The following RNF180 variants were observed in gnomAD, a reference collection of about 807,000 sequenced individuals.
The protein encoded by RNF180 is E3 ubiquitin-protein ligase RNF180.
In RNF180, 38 loss-of-function variants were observed where a neutral mutation model predicts 59.2. The observed-to-expected ratio is 0.64, with a 90% CI of 0.50 to 0.84. RNF180 has a LOEUF of 0.84. RNF180 is among the 40% of genes least tolerant of loss of function. The pLI is 0.00. For missense variants in RNF180, 705 were observed against 700.9 expected (o/e 1.01, Z -0.07); for synonymous variants, 262 against 240.3 (o/e 1.09, Z -0.84).
chr5:64,194,179 G>T (rs10461492), intron 1 of RNF180, among the ~76,000 whole-genome samples: 1 of 151,792 alleles, frequency 6.6e-6, no homozygotes, highest in Admixed American at 6.6e-5. Context: ...AACAGTCCCC[G>T]GTGTGTGATG....
At chr5:64,364,846 TTGTA>T (rs1746387286) in intron 7 of RNF180, among the ~76,000 whole-genome samples, 3 of 151,872 alleles carry the variant, frequency 2.0e-5, no homozygotes, top group African/African-American at 7.2e-5. Flanking sequence ...ATTTTCTAGT[TTGTA>T]TGCATACAAG....
intron 7 of RNF180, among the ~76,000 whole-genome samples, chr5:64,345,442 T>C (rs968422164): frequency 6.6e-6 from 1 of 152,290 alleles, no homozygotes; most frequent in South Asian, 2.1e-4. Flanking sequence ...CTGGCATAAC[T>C]TTATCAGGAA....
chr5:64,218,149 G>A (rs544957965), intron 5 of RNF180, among the ~76,000 whole-genome samples: 5 of 152,064 alleles, frequency 3.3e-5, no homozygotes, highest in Admixed American at 6.6e-5. Flanking sequence ...CTCAAAAAAC[G>A]TTTTAATAGA....
intron 2 of RNF180, among the ~76,000 whole-genome samples, chr5:64,202,708 A>G (rs940627977): frequency 1.3e-5 from 2 of 152,032 alleles, no homozygotes; most frequent in African/African-American, 4.8e-5. Context: ...TTTAATTTTC[A>G]TTTCCTTGGT....
chr5:64,174,364 T>G (rs1408767847), intron 1 of RNF180, among the ~76,000 whole-genome samples: 2 of 152,162 alleles, frequency 1.3e-5, no homozygotes, highest in Non-Finnish European at 2.9e-5. Flanking sequence ...CACTATTAAT[T>G]TTTTGAGGAA....
rs1346992332 is a variant in RNF180, at chr5:64,291,504, A to G, written c.1228-33682A>G. The stretch of plus-strand genomic sequence containing the variant: ...CAGTGGTGCGATCTTGGCTCACTGC[A>G]AGCTCCGCCTGCCGGGTTCACACCA... On this transcript the variant is annotated intron_variant, in intron 5 of 7. Coordinates refer to ENST00000389100, the MANE Select transcript of RNF180 (RefSeq NM_001113561.2). Among the ~76,000 whole-genome samples the G allele has an allele frequency of 6.4e-5, 9 of 140,176 alleles. No homozygotes were observed. In the South Asian group the frequency reaches 8.7e-4, roughly 14 times the overall value. The allele number at this position is 140,176 out of a possible 152,430, so 92.0% of individuals were successfully genotyped here. A position where few individuals can be genotyped will look rare whatever the true frequency, so the allele number is the denominator to read the frequency against.
chr5:64,346,351 CTT>C (rs1745554217), intron 7 of RNF180, among the ~76,000 whole-genome samples: 1 of 53,618 alleles, frequency 1.9e-5, no homozygotes, highest in Non-Finnish European at 4.1e-5. Context: ...TTCTTTTTTT[CTT>C]TTCTTCTTTT....
intron 7 of RNF180, among the ~76,000 whole-genome samples, chr5:64,361,844 T>C (rs1018204656): frequency 4.0e-5 from 6 of 151,406 alleles, no homozygotes; most frequent in Non-Finnish European, 8.9e-5. Flanking sequence ...ACATTGACTA[T>C]TATGTTATCA....
At chr5:64,356,432 A>T (rs1746030247) in intron 7 of RNF180, among the ~76,000 whole-genome samples, 1 of 151,902 alleles carries the variant, frequency 6.6e-6, no homozygotes, top group African/African-American at 2.4e-5. Context: ...ACTCTGATAC[A>T]TTGCTGGGAG....
At chr5:64,334,264 C>T (rs139427872) in intron 7 of RNF180, among the ~76,000 whole-genome samples, 2 of 152,298 alleles carry the variant, frequency 1.3e-5, no homozygotes, top group Non-Finnish European at 2.9e-5. Flanking sequence ...AGAAGGACCT[C>T]TGCCCAAGCC....
intron 5 of RNF180, among the ~76,000 whole-genome samples, chr5:64,261,811 C>T (rs903427576): frequency 1.3e-5 from 2 of 152,096 alleles, no homozygotes; most frequent in Non-Finnish European, 2.9e-5. Flanking sequence ...AAGGAGTCAT[C>T]CACCATCACT....
intron 5 of RNF180, among the ~76,000 whole-genome samples, chr5:64,303,907 A>C (rs1394412406): frequency 6.6e-6 from 1 of 151,604 alleles, no homozygotes; most frequent in Non-Finnish European, 1.5e-5. Flanking sequence ...TCAATGCCTG[A>C]CTTCAAAGGA....
intron 5 of RNF180, among the ~76,000 whole-genome samples, chr5:64,242,381 G>T (rs1270109193): frequency 6.6e-6 from 1 of 152,142 alleles, no homozygotes; most frequent in Admixed American, 6.5e-5. Flanking sequence ...ACAACATAAG[G>T]TGTCAGTGAC....
chr5:64,281,321 G>C (rs1436770784), intron 5 of RNF180, among the ~76,000 whole-genome samples: 1 of 152,166 alleles, frequency 6.6e-6, no homozygotes, highest in African/African-American at 2.4e-5. Flanking sequence ...GCTCTGGCTA[G>C]GACTTCCAGT....
At chr5:64,177,973 A>G (rs1579932633) in intron 1 of RNF180, among the ~76,000 whole-genome samples, 1 of 152,124 alleles carries the variant, frequency 6.6e-6, no homozygotes, top group East Asian at 1.9e-4. Flanking sequence ...TGGAAGGCCA[A>G]GGTGGGTGGA....
At chr5:64,342,959 CA>C (rs755513915) in intron 7 of RNF180, among the ~76,000 whole-genome samples, 27 of 152,198 alleles carry the variant, frequency 1.8e-4, no homozygotes, top group Non-Finnish European at 3.4e-4. Flanking sequence ...ACTTCAAACC[CA>C]ACCCTGCTTA....
chr5:64,229,785 T>C (rs1477673018), intron 5 of RNF180, among the ~76,000 whole-genome samples: 1 of 152,214 alleles, frequency 6.6e-6, no homozygotes, highest in Non-Finnish European at 1.5e-5. Flanking sequence ...TAGCCGGTAT[T>C]GTGCTTCAGT....
At chr5:64,309,486 G>A (rs1025479108) in intron 5 of RNF180, among the ~76,000 whole-genome samples, 1 of 151,468 alleles carries the variant, frequency 6.6e-6, no homozygotes, top group African/African-American at 2.4e-5. Flanking sequence ...AAAATAGTTT[G>A]TCAGACTGTT....
chr5:64,217,371 C>A lies in RNF180; in HGVS notation c.1202C>A (p.Ser401Ter). 1.4e-6 allele frequency: 2 copies of A among 1,415,466 alleles called. No individual in the cohort carries two copies. Among genetic ancestry groups the A allele is most frequent in the Non-Finnish European group, 1.9e-6 (2 of 1,079,470 alleles). 87.7% of individuals were successfully genotyped at this position (1,415,466 alleles called of 1,614,324 possible). Residue 401 changes from serine (S) to a stop codon, truncating the protein, a stop_gained, in exon 5 of 8, where the codon TCA (serine) becomes TAA (stop). Transcript: ENST00000389100. LOFTEE classifies it high-confidence loss of function. ...TTTTTATTTCTCTAGGGTAAATACTCAGGAGTGGGATTGCTGGATCATATG... is the reference window on the plus strand; with the variant it reads ...TTTTTATTTCTCTAGGGTAAATACTAAGGAGTGGGATTGCTGGATCATATG... ...ERWLQKQGKYSGVGLLDHMTL... is the reference protein window; with the variant it reads ...ERWLQKQGKY
Sources: gnomAD v4.1 joint callset for allele counts (sites outside exome capture counted in the v4.1 genomes callset) on GRCh38, gnomAD v4.1.1 for gene constraint, MANE v1.5 for transcripts, NCBI Gene and HGNC (gene_info 2026-07-23, HGNC 2026-07-21) for gene names.